The following PLS1 variants were observed in gnomAD, a reference collection of about 807,000 sequenced individuals.
PLS1 encodes plastin 1.
PLS1 carries 32 observed loss-of-function variants against 73.7 expected under a neutral mutation model. That is an observed-to-expected ratio of 0.43 (90% confidence interval 0.33 to 0.58). The LOEUF (loss-of-function observed/expected upper bound fraction) is 0.58. Ranked by LOEUF, PLS1 falls within the 20% of genes least tolerant of loss-of-function variation. The pLI, the probability that PLS1 is intolerant of heterozygous loss-of-function variation, is 0.04. For synonymous variants in PLS1, 217 were observed against 261.3 expected (o/e 0.83, Z 1.63); for missense variants, 633 against 740.5 (o/e 0.85, Z 1.68).
At chr3:142,703,114 A>G (rs1269979375) in intron 12 of PLS1, among the ~76,000 whole-genome samples, 1 of 152,200 alleles carries the variant, frequency 6.6e-6, no homozygotes, top group Non-Finnish European at 1.5e-5. Context: ...GATCTGGGTA[A>G]AGAATATCGG....
chr3:142,682,873 G>C (rs1406515825), intron 6 of PLS1, among the ~76,000 whole-genome samples: 1 of 152,106 alleles, frequency 6.6e-6, no homozygotes, highest in Non-Finnish European at 1.5e-5. Flanking sequence ...TCATGTTTAT[G>C]TTTATTTGTA....
chr3:142,702,356 C>G (rs1283222522), intron 12 of PLS1, among the ~76,000 whole-genome samples: 1 of 152,204 alleles, frequency 6.6e-6, no homozygotes, highest in Admixed American at 6.5e-5. Flanking sequence ...AATTTGGATT[C>G]TCTTTTTTAA....
At chr3:142,658,083 A>C (rs997546247) in intron 1 of PLS1, among the ~76,000 whole-genome samples, 2 of 152,204 alleles carry the variant, frequency 1.3e-5, no homozygotes, top group African/African-American at 4.8e-5. Flanking sequence ...CAAAAGACTA[A>C]AATACAGAAT....
intron 3 of PLS1, among the ~76,000 whole-genome samples, chr3:142,670,522 T>G (rs1211519497): frequency 6.6e-6 from 1 of 152,240 alleles, no homozygotes; most frequent in African/African-American, 2.4e-5. Flanking sequence ...CAGAACTGAT[T>G]GAATTGAGTC....
At chr3:142,668,666 A>G (rs1472454824) in intron 2 of PLS1, among the ~76,000 whole-genome samples, 2 of 151,362 alleles carry the variant, frequency 1.3e-5, no homozygotes, top group African/African-American at 4.9e-5. Flanking sequence ...CAGTGGCGCA[A>G]TCTCGGCTCA....
At chr3:142,693,404 T>G (rs1050427232) in intron 10 of PLS1, among the ~76,000 whole-genome samples, 1 of 152,192 alleles carries the variant, frequency 6.6e-6, no homozygotes, top group African/African-American at 2.4e-5. Context: ...ACGCAGATGA[T>G]TATAGATTTA....
intron 6 of PLS1, among the ~76,000 whole-genome samples, chr3:142,679,696 G>T (rs2107873651): frequency 6.6e-6 from 1 of 151,818 alleles, no homozygotes; most frequent in Non-Finnish European, 1.5e-5. Context: ...ATAGTTTGAA[G>T]TCAGGTAGCG....
At chr3:142,659,427 G>C (rs867842205) in intron 1 of PLS1, among the ~76,000 whole-genome samples, 1 of 152,138 alleles carries the variant, frequency 6.6e-6, no homozygotes, top group South Asian at 2.1e-4. Context: ...TATAGGTACT[G>C]TATATATAAT....
At position 142,676,221 on chromosome 3, in the gene PLS1, G is replaced by A. The variant is rs763975641; in HGVS notation, c.429G>A (p.Lys143=). The stretch of plus-strand genomic sequence containing the variant: ...CCCTGGAGAATGACCCTGACTGTAA[G>A]CATCTTATACCCATGAATCCCAATG... The part of the protein sequence containing the change: ...NKALENDPDC[K]HLIPMNPNDD... The change falls in exon 5 of 16, where the codon AAG becomes AAA. Residue 143 remains lysine (K), a synonymous_variant. Coordinates refer to ENST00000457734, the MANE Select transcript of PLS1 (RefSeq NM_001145319.2). 2.5e-5 allele frequency: 40 copies of A among 1,612,862 alleles called. No homozygotes were observed. In the South Asian group the frequency reaches 3.4e-4, roughly 14 times the overall value.
intron 6 of PLS1, among the ~76,000 whole-genome samples, chr3:142,681,145 G>A (rs2037844375): frequency 6.6e-6 from 1 of 152,100 alleles, no homozygotes; most frequent in Non-Finnish European, 1.5e-5. Flanking sequence ...GATCCACTCT[G>A]TGGCTACCGC....
intron 14 of PLS1, among the ~76,000 whole-genome samples, chr3:142,705,139 T>C (rs537643536): frequency 6.6e-6 from 1 of 152,282 alleles, no homozygotes; most frequent in Admixed American, 6.5e-5. Flanking sequence ...TGTAGGTTAA[T>C]ATTATCTGAC....
rs763898802 is a variant in PLS1 at position 142,704,514 on chromosome 3, T to A, written c.1557T>A (p.Asp519Glu). 6.3e-7 allele frequency: 1 copy of A among 1,596,890 alleles called. No individual in the cohort carries two copies. Among genetic ancestry groups the A allele is most frequent in the Non-Finnish European group, 8.6e-7 (1 of 1,165,980 alleles). Residue 519 changes from aspartate to glutamate, a missense_variant, in exon 14 of 16, where the codon GAT (aspartate) becomes GAA (glutamate). Transcript: ENST00000457734. ...SDLGEGEKVNDEIIIKWVNQT... is the reference protein window; with the variant it reads ...SDLGEGEKVNEEIIIKWVNQT... ...TTGGAGAGGGTGAAAAAGTAAATGA[T>A]GAAATTATAATTAAATGGGTCAATC... is the stretch of plus-strand genomic sequence containing the variant.
intron 1 of PLS1, among the ~76,000 whole-genome samples, chr3:142,601,756 A>G (rs1238152900): frequency 6.6e-6 from 1 of 151,996 alleles, no homozygotes. Flanking sequence ...GCCTCAAGCA[A>G]TCCTCCCACC....
rs770820118 is a variant in PLS1 at position 142,664,233 on chromosome 3, C to G, written c.-5C>G. 4.5e-6 allele frequency: 7 copies of G among 1,544,352 alleles called. No homozygotes were observed. In the South Asian group the frequency reaches 8.1e-5, roughly 18 times the overall value. ...AGACCTGAAGATAGTCTTTTCTGTC[C>G]AAAGATGGAAAACAGTACTACTACC... On this transcript the variant is annotated 5_prime_UTR_variant, in exon 2 of 16. Transcript: ENST00000457734.
At chr3:142,710,923 AT>A (rs1933099858) in intron 14 of PLS1, among the ~76,000 whole-genome samples, 1 of 152,098 alleles carries the variant, frequency 6.6e-6, no homozygotes, top group Non-Finnish European at 1.5e-5. Flanking sequence ...TGGGTTCTGT[AT>A]TTACTGGTTG....
intron 1 of PLS1, among the ~76,000 whole-genome samples, chr3:142,657,372 A>G (rs1447507703): frequency 3.3e-5 from 5 of 152,084 alleles, no homozygotes; most frequent in Admixed American, 1.3e-4. Flanking sequence ...TAAGCCCTCT[A>G]GGAGGTTCAT....
intron 8 of PLS1, among the ~76,000 whole-genome samples, chr3:142,684,764 A>G (rs2037928456): frequency 6.6e-6 from 1 of 152,174 alleles, no homozygotes; most frequent in African/African-American, 2.4e-5. Context: ...TCTTACTCCC[A>G]CTTTGCCAAT....
Position 142,686,324 on chromosome 3 carries a change from C to G in PLS1, c.929C>G (p.Pro310Arg). ...AYFHLLNQIA[P>R]KGGEDGPAIA... is the part of the protein sequence containing the mutation. ...TTTCATCTGCTTAATCAGATTGCCC[C>G]TAAAGGTGGGGAAGATGGACCTGCC... The change falls in exon 9 of 16, where the codon CCT (proline) becomes CGT (arginine). Residue 310 changes from proline (P) to arginine (R), a missense_variant. Transcript: ENST00000457734. 5 of 1,611,944 alleles carry G rather than the reference C, an allele frequency of 3.1e-6. No individual in the cohort carries two copies. The highest frequency in any genetic ancestry group is 4.2e-6 in the Non-Finnish European group (5 of 1,178,042).
chr3:142,621,846 C>T (rs1013657010), intron 1 of PLS1, among the ~76,000 whole-genome samples: 15 of 152,132 alleles, frequency 9.9e-5, no homozygotes. Context: ...ATGTTTTAGT[C>T]AAGAGGTTAG....
Sources: gnomAD v4.1 joint callset for allele counts (sites outside exome capture counted in the v4.1 genomes callset) on GRCh38, gnomAD v4.1.1 for gene constraint, MANE v1.5 for transcripts, NCBI Gene and HGNC (gene_info 2026-07-23, HGNC 2026-07-21) for gene names.